Variants in COLEC11 observed in about 807,000 individuals in gnomAD.
COLEC11 encodes collectin subfamily member 11.
Under a neutral mutation model 27.3 loss-of-function variants are expected in COLEC11, and 20 were observed. That is an observed-to-expected ratio of 0.73 (90% CI 0.51 to 1.06). The LOEUF (loss-of-function observed/expected upper bound fraction) is 1.06, where lower values mean the gene tolerates loss of function less well. COLEC11 is among the 50% of genes least tolerant of loss of function. The probability of loss-of-function intolerance (pLI) is 0.00; values close to 1 mark genes in which losing one functional copy is unlikely to be tolerated. For missense variants in COLEC11, 310 were observed against 383.0 expected, an observed-to-expected ratio of 0.81 and a Z score of 1.59; for synonymous variants, 163 against 154.7, an observed-to-expected ratio of 1.05 and a Z score of -0.40.
intron 3 of COLEC11, among the ~76,000 whole-genome samples, chr2:3,623,657 TAA>T (rs933437383): frequency 6.6e-6 from 1 of 151,834 alleles, no homozygotes; most frequent in African/African-American, 2.4e-5. Flanking sequence ...GTTCTTTTTT[TAA>T]AAAAAAATCT....
intron 4 of COLEC11, among the ~76,000 whole-genome samples, chr2:3,638,858 A>T (rs1463140449): frequency 1.3e-5 from 2 of 152,232 alleles, no homozygotes; most frequent in Non-Finnish European, 2.9e-5. Context: ...TTTTAAGTGT[A>T]CAATTCAGGG....
intron 3 of COLEC11, among the ~76,000 whole-genome samples, chr2:3,615,034 T>A (rs1170287148): frequency 1.8e-5 from 2 of 108,250 alleles, no homozygotes; most frequent in Non-Finnish European, 2.0e-5. Context: ...TAAAATATTT[T>A]CATGTATTTC....
At chr2:3,599,166 C>G (rs752933664) in intron 1 of COLEC11, among the ~76,000 whole-genome samples, 46 of 152,188 alleles carry the variant, frequency 3.0e-4, no homozygotes, top group Admixed American at 2.0e-3. Context: ...GCTTCCTCAT[C>G]TGTGACGAGT....
intron 3 of COLEC11, among the ~76,000 whole-genome samples, chr2:3,615,061 C>G (rs1325379912): frequency 1.3e-5 from 2 of 151,644 alleles, no homozygotes; most frequent in Non-Finnish European, 2.9e-5. Flanking sequence ...CAACAATGTA[C>G]CTCATATGCA....
At chr2:3,636,702 G>A (rs1665439550) in intron 3 of COLEC11, among the ~76,000 whole-genome samples, 1 of 152,204 alleles carries the variant, frequency 6.6e-6, no homozygotes, top group Non-Finnish European at 1.5e-5. Flanking sequence ...GTGATAACCA[G>A]CAGACAGGTA....
intron 2 of COLEC11, among the ~76,000 whole-genome samples, chr2:3,612,824 A>G (rs1215433635): frequency 1.3e-5 from 2 of 152,130 alleles, no homozygotes; most frequent in African/African-American, 4.8e-5. Flanking sequence ...GCCCTGGCTG[A>G]GCAGGAGCCT....
At chr2:3,605,074 G>A in intron 2 of COLEC11, 1 of 471,030 alleles carries the variant, frequency 2.1e-6, no homozygotes. Flanking sequence ...GAAGCCTCCA[G>A]AGCAGCATCT....
intron 1 of COLEC11, among the ~76,000 whole-genome samples, chr2:3,597,413 A>G (rs566525887): frequency 8.6e-5 from 13 of 151,878 alleles, no homozygotes; most frequent in Non-Finnish European, 1.9e-4. Flanking sequence ...AAGGCACGAG[A>G]AATCCCGCCT....
At chr2:3,631,402 C>T (rs1179415484) in intron 3 of COLEC11, among the ~76,000 whole-genome samples, 4 of 152,184 alleles carry the variant, frequency 2.6e-5, no homozygotes, top group Admixed American at 2.6e-4. Context: ...TAACATCTGC[C>T]TACTATCAGG....
At chr2:3,627,864 A>T (rs1226829664) in intron 3 of COLEC11, among the ~76,000 whole-genome samples, 1 of 152,230 alleles carries the variant, frequency 6.6e-6, no homozygotes, top group African/African-American at 2.4e-5. Context: ...GGGTCTCAGC[A>T]CCTGTCCCAG....
At chr2:3,625,989 A>G (rs752700581) in intron 3 of COLEC11, 7 of 1,599,912 alleles carry the variant, frequency 4.4e-6, no homozygotes, top group Admixed American at 3.3e-5. Flanking sequence ...AGGGATAGTC[A>G]TAACATTGTA....
rs964458276 is a variant in COLEC11, at chr2:3,643,553, G to A, written c.424+14G>A. ...TCATCAAGAATGGTATGTGGCTCCC[G>A]GCGCCGCCCTCGCTCCCTCCCACCT... On this transcript the variant is annotated intron_variant, in intron 6 of 6. Coordinates refer to ENST00000349077, the MANE Select transcript of COLEC11 (RefSeq NM_024027.5). 6 of 1,611,238 alleles carry A rather than the reference G, an allele frequency of 3.7e-6. No homozygotes were observed. Among genetic ancestry groups the A allele is most frequent in the Admixed American group, 1.7e-5 (1 of 59,990 alleles).
At chr2:3,619,773 G>A (rs1664051580) in intron 3 of COLEC11, among the ~76,000 whole-genome samples, 3 of 152,220 alleles carry the variant, frequency 2.0e-5, no homozygotes, top group Middle Eastern at 3.4e-3. Flanking sequence ...TTACAGGCAC[G>A]CACCACCACG....
intron 5 of COLEC11, among the ~76,000 whole-genome samples, chr2:3,642,265 G>C (rs10166017): frequency 6.6e-6 from 1 of 152,144 alleles, no homozygotes; most frequent in African/African-American, 2.4e-5. Flanking sequence ...TCCATGCCCC[G>C]TGGCTCTCAG....
chr2:3,606,774 G>A (rs1311509979), intron 2 of COLEC11, among the ~76,000 whole-genome samples: 2 of 152,218 alleles, frequency 1.3e-5, no homozygotes, highest in East Asian at 3.8e-4. Flanking sequence ...TCAGGAATTG[G>A]GTTACTCAAT....
At chr2:3,610,441 T>C (rs11123642) in intron 2 of COLEC11, among the ~76,000 whole-genome samples, 105,076 of 151,816 alleles carry the variant, frequency 0.69, 36,864 homozygotes, top group South Asian at 0.89. Context: ...CTTCTCAGAG[T>C]TTTCAGCCAG....
chr2:3,634,488 A>C (rs2147945856), intron 3 of COLEC11, among the ~76,000 whole-genome samples: 1 of 152,190 alleles, frequency 6.6e-6, no homozygotes, highest in South Asian at 2.1e-4. Context: ...AGGGCCCCTC[A>C]GTTATATTCC....
rs1247177948 is a variant in COLEC11, at chr2:3,618,465, A to G, written c.202+5083A>G. 2.6e-5 allele frequency among the ~76,000 whole-genome samples: 4 copies of G among 152,352 alleles called. No individual in the cohort carries two copies. The East Asian group carries it at 5.8e-4, about 22-fold the overall frequency. Reference sequence around the variant, plus strand: ...ATTCTTTGTGCCTTTGTTGAAGGTTAGTTGACTGTATATGCACTCATGGGC... The same window carrying G: ...ATTCTTTGTGCCTTTGTTGAAGGTTGGTTGACTGTATATGCACTCATGGGC... On this transcript the variant is annotated intron_variant, in intron 3 of 6. Coordinates refer to ENST00000349077, the MANE Select transcript of COLEC11 (RefSeq NM_024027.5).
intron 3 of COLEC11, among the ~76,000 whole-genome samples, chr2:3,617,059 G>C (rs539332571): frequency 6.6e-6 from 1 of 152,074 alleles, no homozygotes; most frequent in African/African-American, 2.4e-5. Context: ...TTCAAGATCC[G>C]ATTTCATTCC....
Sources: allele counts gnomAD v4.1 joint callset (sites outside exome capture counted in the v4.1 genomes callset), GRCh38; gene constraint gnomAD v4.1.1; transcripts MANE v1.5; gene names NCBI Gene and HGNC (gene_info 2026-07-23, HGNC 2026-07-21).